Variants in MLYCD observed in about 807,000 individuals in gnomAD.
The protein encoded by MLYCD is malonyl-CoA decarboxylase, mitochondrial.
MLYCD carries 27 observed loss-of-function variants against 35.8 expected under a neutral mutation model. The ratio of observed to expected loss-of-function variants is 0.75; its 90% CI spans 0.56 to 1.04. The LOEUF (loss-of-function observed/expected upper bound fraction) is 1.04. Among genes scored for constraint, MLYCD ranks in the 50% least tolerant of loss-of-function variants. MLYCD has a pLI of 0.00. For missense variants in MLYCD, 917 were observed against 665.1 expected, an observed-to-expected ratio of 1.38 and a Z score of -4.17; for synonymous variants, 403 against 302.4, an observed-to-expected ratio of 1.33 and a Z score of -3.45.
intron 3 of MLYCD, among the ~76,000 whole-genome samples, chr16:83,909,439 A>G (rs1907094576): frequency 6.6e-6 from 1 of 152,176 alleles, no homozygotes; most frequent in South Asian, 2.1e-4. Flanking sequence ...GTTTATATGG[A>G]AAACCAGCCT....
intron 1 of MLYCD, among the ~76,000 whole-genome samples, chr16:83,904,890 C>G (rs1906920905): frequency 6.6e-6 from 1 of 152,184 alleles, no homozygotes; most frequent in African/African-American, 2.4e-5. Flanking sequence ...ATGACTTCCA[C>G]CAGTCAGTCC....
At position 83,899,133 on chromosome 16, in the gene MLYCD, T is replaced by C; in HGVS notation, c.-12T>C. On this transcript the variant is annotated 5_prime_UTR_variant, in exon 1 of 5. Coordinates refer to ENST00000262430, the MANE Select transcript of MLYCD (RefSeq NM_012213.3). The stretch of plus-strand genomic sequence containing the variant: ...CGGCGGCGCTCCCCCTCGGCAGCTG[T>C]TGTGGGGCACCATGCGAGGCTTCGG... The C allele has an allele frequency of 8.9e-7, 1 of 1,121,204 alleles. No individual in the cohort carries two copies. The highest frequency in any genetic ancestry group is 1.1e-6 in the Non-Finnish European group (1 of 920,164). 69.5% of individuals were successfully genotyped at this position (1,121,204 alleles called of 1,614,324 possible).
chr16:83,917,905 C>G lies in MLYCD; in HGVS notation c.*2416C>G, dbSNP rs938942933. 3 of 152,272 alleles carry G rather than the reference C, an allele frequency of 2.0e-5. No homozygotes were observed. The highest frequency in any genetic ancestry group is 4.4e-5 in the Non-Finnish European group (3 of 68,074). The allele number at this position is 152,272 out of a possible 1,614,324, so 9.4% of individuals were successfully genotyped here. A position where few individuals can be genotyped will look rare whatever the true frequency, so the allele number is the denominator to read the frequency against. ...TCCTTCACCTGTGCTGTCTGGTTCT[C>G]TCCTGTGTGGACAGGGGATGATAGG... On this transcript the variant is annotated 3_prime_UTR_variant, in exon 5 of 5. Transcript: ENST00000262430.
At chr16:83,912,104 C>G in intron 3 of MLYCD, 114 bp from the exon 4 acceptor site, 1 of 1,469,408 alleles carries the variant, frequency 6.8e-7, no homozygotes, top group East Asian at 2.3e-5. Context: ...GAGCCGAGGT[C>G]TCTTCCAGCT....
intron 1 of MLYCD, among the ~76,000 whole-genome samples, chr16:83,900,869 G>A (rs1295590393): frequency 1.3e-5 from 2 of 152,204 alleles, no homozygotes; most frequent in Non-Finnish European, 2.9e-5. Context: ...CTGAGGTTGT[G>A]TTACTTGTCC....
Position 83,916,070 on chromosome 16 carries a change from C to G in MLYCD, c.*581C>G, listed in dbSNP as rs1022806586. ...GTGTAGTAAGTTAAATTGTTGAACA[C>G]AAAAATGTTGCTGCTTGAGGCATAA... On this transcript the variant is annotated 3_prime_UTR_variant, in exon 5 of 5. Coordinates refer to ENST00000262430, the MANE Select transcript of MLYCD (RefSeq NM_012213.3). 1.0e-6 allele frequency: 1 copy of G among 996,572 alleles called. No homozygotes were observed. The highest frequency in any genetic ancestry group is 1.7e-5 in the African/African-American group (1 of 57,468). 61.7% of individuals were successfully genotyped at this position (996,572 alleles called of 1,614,324 possible). A position where few individuals can be genotyped will look rare whatever the true frequency, so the allele number is the denominator to read the frequency against.
intron 3 of MLYCD, among the ~76,000 whole-genome samples, chr16:83,910,043 C>A (rs1907119093): frequency 6.6e-6 from 1 of 152,146 alleles, no homozygotes; most frequent in Non-Finnish European, 1.5e-5. Context: ...AGCTCGCATC[C>A]TGACTCTAAG....
At chr16:83,905,266 T>A (rs533911117) in intron 1 of MLYCD, among the ~76,000 whole-genome samples, 1 of 152,136 alleles carries the variant, frequency 6.6e-6, no homozygotes, top group Non-Finnish European at 1.5e-5. Flanking sequence ...GCCATTCTTA[T>A]AGGTGTTGCC....
chr16:83,906,544 C>T (rs8055314), intron 1 of MLYCD, among the ~76,000 whole-genome samples: 10,284 of 152,166 alleles, frequency 0.068, 820 homozygotes, highest in African/African-American at 0.2. Context: ...GAAATGTAGG[C>T]GTAATGTTTT....
chr16:83,907,630 A>G (rs997338061), intron 2 of MLYCD, among the ~76,000 whole-genome samples: 1 of 152,188 alleles, frequency 6.6e-6, no homozygotes, highest in African/African-American at 2.4e-5. Flanking sequence ...CATGGAATCC[A>G]TGGTTTGAAA....
chr16:83,918,796 T>TACGCACACACAGTGTACAGGAGAAC lies in MLYCD; in HGVS notation c.*3321_*3322insTACAGGAGAACACGCACACACAGTG, dbSNP rs1567639152. 4.3e-4 allele frequency: 45 copies of TACGCACACACAGTGTACAGGAGAAC among 104,736 alleles called. No individual in the cohort carries two copies. Among genetic ancestry groups the TACGCACACACAGTGTACAGGAGAAC allele is most frequent in the African/African-American group, 1.7e-3 (45 of 26,400 alleles). The allele number at this position is 104,736 out of a possible 1,614,324, so 6.5% of individuals were successfully genotyped here. ...GAGAACCACACAGTGCACAGGAGAA[T>TACGCACACACAGTGTACAGGAGAAC]ACGCACACACAGTGCACAGAACACA... On this transcript the variant is annotated 3_prime_UTR_variant, in exon 5 of 5. Transcript: ENST00000262430.
In MLYCD at chr16:83,923,039, C is replaced by T. The variant is rs944573273; in HGVS notation, c.*7550C>T. On this transcript the variant is annotated 3_prime_UTR_variant, in exon 5 of 5. Coordinates refer to ENST00000262430, the MANE Select transcript of MLYCD (RefSeq NM_012213.3). ...TCTGCAGGGCCTCAGAATCTGAACT[C>T]CCTGTGGTCACTCTGAGGCCTCTCT... 5 of 152,398 alleles carry T rather than the reference C, an allele frequency of 3.3e-5. No homozygotes were observed. Among genetic ancestry groups the T allele is most frequent in the African/African-American group, 1.2e-4 (5 of 41,584 alleles). The allele number at this position is 152,398 out of a possible 1,614,324, so 9.4% of individuals were successfully genotyped here.
In MLYCD at chr16:83,912,387, C is replaced by T. The variant is rs377300754; in HGVS notation, c.948+20C>T. 83 of 1,613,808 alleles carry T rather than the reference C, an allele frequency of 5.1e-5. No individual in the cohort carries two copies. The African/African-American group carries it at 8.7e-4, about 17-fold the overall frequency. On this transcript the variant is annotated intron_variant, in intron 4 of 4. Transcript: ENST00000262430. ...TTGCAGGTAAGCGACACGCAGGGAG[C>T]CCCGGTCACGCTTGGCTTCCGTGTG...
chr16:83,907,245 A>G lies in MLYCD; in HGVS notation c.641+146A>G, dbSNP rs3815807. 42,895 of 737,906 alleles carry G rather than the reference A, an allele frequency of 0.058. 1,747 individuals carry two copies. Among genetic ancestry groups the G allele is most frequent in the East Asian group, 0.14 (5,067 of 36,356 alleles). The allele number at this position is 737,906 out of a possible 1,614,324, so 45.7% of individuals were successfully genotyped here. The stretch of plus-strand genomic sequence containing the variant: ...TAAAATCCAAACACAGTATTTGCAA[A>G]TGCTGCGGCTGTCACCACACATGAT... On this transcript the variant is annotated intron_variant, in intron 2 of 4. Transcript: ENST00000262430.
chr16:83,899,745 C>T, intron 1 of MLYCD, 73 bp downstream of exon 1: 1 of 1,419,980 alleles, frequency 7.0e-7, no homozygotes. Flanking sequence ...CTTGCCCCCT[C>T]CAAGTCCCAC....
At chr16:83,901,033 A>G (rs1397045381) in intron 1 of MLYCD, among the ~76,000 whole-genome samples, 2 of 152,200 alleles carry the variant, frequency 1.3e-5, no homozygotes, top group East Asian at 3.8e-4. Context: ...ATAATTAAGT[A>G]TGGGATTAAT....
chr16:83,912,493 G>A (rs1051074096), intron 4 of MLYCD, 126 bp downstream of exon 4: 2 of 1,332,492 alleles, frequency 1.5e-6, no homozygotes, highest in African/African-American at 2.9e-5. Context: ...GGGGCAGGGG[G>A]TAGAAAAGGT....
At chr16:83,907,386 G>A (rs182866813) in intron 2 of MLYCD, among the ~76,000 whole-genome samples, 12 of 152,194 alleles carry the variant, frequency 7.9e-5, no homozygotes, top group East Asian at 7.7e-4. Context: ...ACCCATTTTC[G>A]CTCGTCCCAA....
chr16:83,914,771 C>T lies in MLYCD; in HGVS notation c.949-185C>T, dbSNP rs117504729. The T allele has an allele frequency of 9.2e-4, 767 of 830,072 alleles. 3 individuals are homozygous for T. In the East Asian group the frequency reaches 0.021, roughly 22 times the overall value. 51.4% of individuals were successfully genotyped at this position (830,072 alleles called of 1,614,324 possible). On this transcript the variant is annotated intron_variant, in intron 4 of 4. Transcript: ENST00000262430. Reference sequence around the variant, plus strand: ...TCCAGCTAGGGCAATAGAGCAAGACCCTGACTCTAAGAGGAAAAAAAGAAA... The same window carrying T: ...TCCAGCTAGGGCAATAGAGCAAGACTCTGACTCTAAGAGGAAAAAAAGAAA...
Sources: allele counts gnomAD v4.1 joint callset (sites outside exome capture counted in the v4.1 genomes callset), GRCh38; gene constraint gnomAD v4.1.1; transcripts MANE v1.5; gene names NCBI Gene and HGNC (gene_info 2026-07-23, HGNC 2026-07-21).